FOXJ3: variants seen among roughly 807,000 people sequenced by gnomAD.
The protein encoded by FOXJ3 is forkhead box J3.
Under a neutral mutation model 76.1 loss-of-function variants are expected in FOXJ3, and 22 were observed. That is an observed-to-expected ratio of 0.29 (90% CI 0.21 to 0.41). The LOEUF is 0.41. Among genes scored for constraint, FOXJ3 ranks in the 10% least tolerant of loss-of-function variants. The probability of loss-of-function intolerance (pLI) is 1.00; values close to 1 mark genes in which losing one functional copy is unlikely to be tolerated. For synonymous variants in FOXJ3, 269 were observed against 261.2 expected, an observed-to-expected ratio of 1.03 and a Z score of -0.29; for missense variants, 613 against 762.1, an observed-to-expected ratio of 0.80 and a Z score of 2.30.
At chr1:42,271,421 AT>A (rs1261743847) in intron 3 of FOXJ3, among the ~76,000 whole-genome samples, 5 of 152,032 alleles carry the variant, frequency 3.3e-5, no homozygotes, top group Admixed American at 2.0e-4. Flanking sequence ...GCTCCCAACT[AT>A]CCCCTAGGGG....
chr1:42,192,757 T>C (rs1490790718), intron 8 of FOXJ3, among the ~76,000 whole-genome samples: 1 of 151,154 alleles, frequency 6.6e-6, no homozygotes, highest in East Asian at 1.9e-4. Context: ...AATAATTTTA[T>C]TGAATGAAAA....
chr1:42,311,650 A>AAGTAGTAGTAGTAGTAGTGGTAGTAGT (rs1654818379), intron 1 of FOXJ3, among the ~76,000 whole-genome samples: 1 of 149,414 alleles, frequency 6.7e-6, no homozygotes, highest in Non-Finnish European at 1.5e-5. Context: ...TTTAAAAAAA[A>AAGTAGTAGTAGTAGTAGTGGTAGTAGT]AGTAGTAGTA....
chr1:42,314,205 T>C (rs1373364980), intron 1 of FOXJ3, among the ~76,000 whole-genome samples: 1 of 152,188 alleles, frequency 6.6e-6, no homozygotes, highest in Non-Finnish European at 1.5e-5. Flanking sequence ...AACTGGTTAG[T>C]ACATAGAGCT....
chr1:42,324,148 A>ATATACACAGTG lies in FOXJ3; in HGVS notation c.-18+10910_-18+10911insCACTGTGTATA, dbSNP rs1557726210. Among the ~76,000 whole-genome samples the ATATACACAGTG allele has an allele frequency of 2.8e-4, 4 of 14,128 alleles. No homozygotes were observed. In the South Asian group the frequency reaches 8.8e-3, roughly 31 times the overall value. 9.3% of individuals were successfully genotyped at this position (14,128 alleles called of 152,430 possible). ...ACAGTGTATATACAGTATATATACT[A>ATATACACAGTG]TATATACACTGTGTATATATAGTAT... On this transcript the variant is annotated intron_variant, in intron 1 of 12. Coordinates refer to ENST00000361346, the MANE Select transcript of FOXJ3 (RefSeq NM_014947.5).
intron 11 of FOXJ3, among the ~76,000 whole-genome samples, chr1:42,184,560 G>T (rs773405289): frequency 4.1e-4 from 62 of 151,998 alleles, no homozygotes; most frequent in Non-Finnish European, 4.0e-4. Flanking sequence ...AGTTTCCAAA[G>T]ATTTCAGGCA....
At chr1:42,307,966 A>C (rs1654567661) in intron 2 of FOXJ3, among the ~76,000 whole-genome samples, 1 of 152,192 alleles carries the variant, frequency 6.6e-6, no homozygotes, top group Admixed American at 6.5e-5. Flanking sequence ...ACCTTACCCA[A>C]AATATTTAGA....
At chr1:42,251,128 A>T (rs1650006366) in intron 4 of FOXJ3, among the ~76,000 whole-genome samples, 1 of 152,312 alleles carries the variant, frequency 6.6e-6, no homozygotes, top group African/African-American at 2.4e-5. Flanking sequence ...ACATCAAAGC[A>T]TATCACAGTC....
chr1:42,202,016 T>A (rs922714728), intron 6 of FOXJ3, among the ~76,000 whole-genome samples: 1 of 152,222 alleles, frequency 6.6e-6, no homozygotes, highest in African/African-American at 2.4e-5. Flanking sequence ...CTATCCTTCA[T>A]CTTTTTAATT....
At chr1:42,293,707 G>T (rs1653591926) in intron 2 of FOXJ3, among the ~76,000 whole-genome samples, 1 of 152,104 alleles carries the variant, frequency 6.6e-6, no homozygotes, top group Admixed American at 6.6e-5. Flanking sequence ...ACTATACTAA[G>T]AAGCACTATC....
chr1:42,285,246 T>G (rs922764062), intron 2 of FOXJ3, among the ~76,000 whole-genome samples: 26 of 152,156 alleles, frequency 1.7e-4, no homozygotes, highest in Admixed American at 1.3e-4. Context: ...CCATTAGCTA[T>G]TCTTCCTGAT....
rs576648980 is a variant in FOXJ3, at chr1:42,327,051, A to G, written c.-18+8008T>C. Among the ~76,000 whole-genome samples the G allele has an allele frequency of 9.2e-5, 14 of 152,352 alleles. No homozygotes were observed. In the East Asian group the frequency reaches 1.7e-3, roughly 19 times the overall value. On this transcript the variant is annotated intron_variant, in intron 1 of 12. Coordinates refer to ENST00000361346, the MANE Select transcript of FOXJ3 (RefSeq NM_014947.5). Reference sequence around the variant, plus strand: ...TATTAACACATATCACAAGGCTGTTATAAGTCTCCAAAATCCAACAGATCA... The same window carrying G: ...TATTAACACATATCACAAGGCTGTTGTAAGTCTCCAAAATCCAACAGATCA...
Position 42,329,943 on chromosome 1 carries a change from T to C in FOXJ3, c.-18+5116A>G, listed in dbSNP as rs201983908. 9.2e-5 allele frequency among the ~76,000 whole-genome samples: 14 copies of C among 152,268 alleles called. No individual in the cohort carries two copies. In the East Asian group the frequency reaches 2.5e-3, roughly 27 times the overall value. On this transcript the variant is annotated intron_variant, in intron 1 of 12. Coordinates refer to ENST00000361346, the MANE Select transcript of FOXJ3 (RefSeq NM_014947.5). ...ATTAAGAGCCACAGAGTTCTGAAAA[T>C]AGACTACAAGGGTTCAAATCCTGGC...
At position 42,237,427 on chromosome 1, in the gene FOXJ3, T is replaced by TATATAC. The variant is rs1166082659; in HGVS notation, c.445-9462_445-9461insGTATAT. Reference sequence around the variant, plus strand: ...ATACATATATATATATATATATATATACATACATACATATATATATATACA... The same window carrying TATATAC: ...ATACATATATATATATATATATATATATATACACATACATACATATATATATATACA... On this transcript the variant is annotated intron_variant, in intron 4 of 12. Coordinates refer to ENST00000361346, the MANE Select transcript of FOXJ3 (RefSeq NM_014947.5). Among the ~76,000 whole-genome samples the TATATAC allele has an allele frequency of 4.9e-4, 64 of 129,922 alleles. 1 individual carries two copies. The highest frequency in any genetic ancestry group is 1.5e-3 in the African/African-American group (56 of 36,962). The allele number at this position is 129,922 out of a possible 152,430, so 85.2% of individuals were successfully genotyped here.
At chr1:42,188,952 T>C (rs1363979343) in intron 10 of FOXJ3, 24 bp from the exon 11 acceptor site, 4 of 1,451,102 alleles carry the variant, frequency 2.8e-6, no homozygotes, top group Non-Finnish European at 3.8e-6. Context: ...ATTAAAAATA[T>C]GTTAGCACTG....
Position 42,250,152 on chromosome 1 carries a change from G to C in FOXJ3, c.444+14963C>G, listed in dbSNP as rs1017918109. ...GCACAGAAAAAGTAAACAGAGACTA[G>C]AGGAGACTAGTGGAAAGTGACATAG... On this transcript the variant is annotated intron_variant, in intron 4 of 12. Transcript: ENST00000361346. 1.3e-5 allele frequency among the ~76,000 whole-genome samples: 2 copies of C among 152,172 alleles called. 1 individual carries two copies. Among genetic ancestry groups the C allele is most frequent in the Admixed American group, 1.3e-4 (2 of 15,280 alleles).
intron 8 of FOXJ3, 29 bp from the exon 9 acceptor site, chr1:42,191,748 C>A: frequency 1.3e-6 from 2 of 1,596,326 alleles, no homozygotes; most frequent in South Asian, 1.1e-5. Context: ...CATTTATGGT[C>A]AGATTTCAGT....
At chr1:42,216,220 A>G (rs1398649163) in intron 5 of FOXJ3, among the ~76,000 whole-genome samples, 2 of 152,216 alleles carry the variant, frequency 1.3e-5, no homozygotes, top group East Asian at 3.9e-4. Flanking sequence ...CACTGGCTAA[A>G]TATAAAAGAC....
intron 1 of FOXJ3, chr1:42,315,319 G>A (rs906897293): frequency 1.8e-6 from 1 of 556,788 alleles, no homozygotes; most frequent in African/African-American, 2.0e-5. Context: ...CTTTAAAATG[G>A]TGAACTTCAC....
chr1:42,184,744 T>G (rs866019901), intron 11 of FOXJ3, among the ~76,000 whole-genome samples: 1 of 151,968 alleles, frequency 6.6e-6, no homozygotes, highest in Non-Finnish European at 1.5e-5. Context: ...GCCATTTAAA[T>G]AGGATGACCA....
Sources: gnomAD v4.1 joint callset for allele counts (sites outside exome capture counted in the v4.1 genomes callset) on GRCh38, gnomAD v4.1.1 for gene constraint, MANE v1.5 for transcripts, NCBI Gene and HGNC (gene_info 2026-07-23, HGNC 2026-07-21) for gene names.